COL4A4: variants seen among roughly 807,000 people sequenced by gnomAD.
COL4A4 encodes the protein collagen alpha-4(IV) chain.
In COL4A4, 105 loss-of-function variants were observed where a neutral mutation model predicts 192.9. The ratio of observed to expected loss-of-function variants is 0.54; its 90% confidence interval spans 0.46 to 0.64. COL4A4 has a LOEUF of 0.64. COL4A4 is among the 30% of genes least tolerant of loss of function. COL4A4 has a pLI of 0.00. For missense variants in COL4A4, 1,967 were observed against 2,169.3 expected, an observed-to-expected ratio of 0.91 and a Z score of 1.85; for synonymous variants, 762 against 769.9, an observed-to-expected ratio of 0.99 and a Z score of 0.17.
chr2:227,099,610 GAACACA>G lies in COL4A4; in HGVS notation c.1099+4_1099+9del. The G allele has an allele frequency of 6.2e-7, 1 of 1,613,500 alleles. No individual in the cohort carries two copies. The highest frequency in any genetic ancestry group is 8.5e-7 in the Non-Finnish European group (1 of 1,179,442). On this transcript the variant is annotated splice_donor_5th_base_variant and intron_variant, in intron 18 of 47. Coordinates refer to ENST00000396625, the MANE Select transcript of COL4A4 (RefSeq NM_000092.5). ...CATAATTTATGGAGGAACTGAATAGGAACACAAACCTTTGAGTGGAAGAGGTGGAGT... is the reference window on the plus strand; with the variant it reads ...CATAATTTATGGAGGAACTGAATAGGAACCTTTGAGTGGAAGAGGTGGAGT...
At chr2:226,991,463 A>G in the COL4A4 span, among the ~76,000 whole-genome samples, 1 of 152,230 alleles carries the variant, frequency 6.6e-6, no homozygotes, top group Non-Finnish European at 1.5e-5. Context: ...TACAGGCATG[A>G]GCCACCATGC....
the COL4A4 span, chr2:226,995,893 G>T: frequency 5.1e-6 from 1 of 197,294 alleles, no homozygotes; most frequent in Non-Finnish European, 1.0e-5. Flanking sequence ...CCCTCATTCT[G>T]CCTGGAGTGC....
At chr2:226,981,521 A>G in the COL4A4 span, among the ~76,000 whole-genome samples, 1 of 151,684 alleles carries the variant, frequency 6.6e-6, no homozygotes, top group Non-Finnish European at 1.5e-5. Context: ...CACTCATGCA[A>G]ACACATGCAG....
chr2:227,062,471 TG>T (rs1029043507), intron 26 of COL4A4, 58 bp downstream of exon 26: 6 of 1,055,146 alleles, frequency 5.7e-6, no homozygotes, highest in African/African-American at 3.9e-5. Context: ...TCTGTCTGGC[TG>T]GTTTTTTTTT....
chr2:227,135,792 G>A (rs1159071041), intron 4 of COL4A4, among the ~76,000 whole-genome samples: 3 of 152,016 alleles, frequency 2.0e-5, no homozygotes, highest in African/African-American at 2.4e-5. Flanking sequence ...ACAGGCGCCC[G>A]CCACCATGCC....
Position 227,114,687 on chromosome 2 carries a change from C to T in COL4A4, c.499G>A (p.Gly167Arg). The change falls in exon 8 of 48, where the codon GGG becomes AGG. Residue 167 changes from glycine (G) to arginine (R), a missense_variant. By Grantham distance (125) the Gly-to-Arg change is moderately radical (BLOSUM62 -2). Transcript: ENST00000396625. Reference protein sequence around the residue: ...LGPGGPLGHPGEKGEKGNSVF... With the variant: ...LGPGGPLGHPREKGEKGNSVF... ...GAATTTCCTTTTTCTCCCTTTTCCC[C>T]AGGATGGCCCTGAAAATAAAATATG... is the stretch of plus-strand genomic sequence containing the variant. The T allele has an allele frequency of 6.2e-7, 1 of 1,613,546 alleles. No individual in the cohort carries two copies. Among genetic ancestry groups the T allele is most frequent in the Non-Finnish European group, 8.5e-7 (1 of 1,179,468 alleles).
chr2:227,054,914 C>T lies in COL4A4; in HGVS notation c.2717-177G>A, dbSNP rs55760660. ...AAGCAATTCTCCTTCCTCAGCCTCCCGAGTAGCTGGGATTACAGGCGGGAG... is the reference window on the plus strand; with the variant it reads ...AAGCAATTCTCCTTCCTCAGCCTCCTGAGTAGCTGGGATTACAGGCGGGAG... On this transcript the variant is annotated intron_variant, in intron 30 of 47. Coordinates refer to ENST00000396625, the MANE Select transcript of COL4A4 (RefSeq NM_000092.5). Among the ~76,000 whole-genome samples the T allele has an allele frequency of 0.45, 67,590 of 151,784 alleles. 15,434 individuals carry two copies. Among genetic ancestry groups the T allele is most frequent in the South Asian group, 0.63 (3,021 of 4,810 alleles).
At chr2:226,979,075 A>C in the COL4A4 span, among the ~76,000 whole-genome samples, 2 of 152,172 alleles carry the variant, frequency 1.3e-5, no homozygotes, top group East Asian at 3.9e-4. Context: ...TGGGGAAAGA[A>C]AGAAGCTATT....
At chr2:227,099,154 C>T (rs2060366523) in intron 18 of COL4A4, among the ~76,000 whole-genome samples, 1 of 152,174 alleles carries the variant, frequency 6.6e-6, no homozygotes, top group Non-Finnish European at 1.5e-5. Context: ...GCAACCTCCA[C>T]CTCCCAGGTT....
intron 23 of COL4A4, among the ~76,000 whole-genome samples, 161 bp from the exon 24 acceptor site, chr2:227,080,710 G>A (rs1183177081): frequency 6.6e-6 from 1 of 152,176 alleles, no homozygotes; most frequent in Non-Finnish European, 1.5e-5. Flanking sequence ...CCAGAGGGGA[G>A]AATGACAATT....
In COL4A4 at chr2:227,006,061, A is replaced by G. The variant is rs1962022981; in HGVS notation, c.*1264T>C. 1 of 152,660 alleles carries G rather than the reference A, an allele frequency of 6.6e-6. No homozygotes were observed. Among genetic ancestry groups the G allele is most frequent in the African/African-American group, 2.4e-5 (1 of 41,466 alleles). The allele number at this position is 152,660 out of a possible 1,614,324, so 9.5% of individuals were successfully genotyped here. A position where few individuals can be genotyped will look rare whatever the true frequency, so the allele number is the denominator to read the frequency against. On this transcript the variant is annotated 3_prime_UTR_variant, in exon 48 of 48. Coordinates refer to ENST00000396625, the MANE Select transcript of COL4A4 (RefSeq NM_000092.5). ...TATGAAATATAAGAATGTCTTTAAA[A>G]TTGGCAAAATGGGATGCTCCTGTAA... is the stretch of plus-strand genomic sequence containing the variant.
chr2:227,082,290 T>TA, intron 22 of COL4A4, 103 bp from the exon 23 acceptor site: 1 of 1,083,722 alleles, frequency 9.2e-7, no homozygotes, highest in Non-Finnish European at 1.4e-6. Context: ...AATCTCTTGT[T>TA]AAAGATTCTA....
chr2:227,054,740 G>C lies in COL4A4; in HGVS notation c.2717-3C>G. ...GAAACCAGGCAGCCCCCGGGGTCCT[G>C]GTGAAATGAGAGCATAAAGTTTTAG... On this transcript the variant is annotated splice_polypyrimidine_tract_variant and splice_region_variant and intron_variant, in intron 30 of 47. Coordinates refer to ENST00000396625, the MANE Select transcript of COL4A4 (RefSeq NM_000092.5). 4 of 1,613,606 alleles carry C rather than the reference G, an allele frequency of 2.5e-6. No individual in the cohort carries two copies. Among genetic ancestry groups the C allele is most frequent in the Non-Finnish European group, 3.4e-6 (4 of 1,179,818 alleles).
the COL4A4 span, among the ~76,000 whole-genome samples, chr2:226,986,187 T>C: frequency 6.6e-6 from 1 of 151,922 alleles, no homozygotes; most frequent in Admixed American, 6.6e-5. Context: ...GTCATGGGGG[T>C]CAAGAAAGGA....
At chr2:227,064,426 T>C (rs964725369) in intron 25 of COL4A4, among the ~76,000 whole-genome samples, 2 of 152,118 alleles carry the variant, frequency 1.3e-5, no homozygotes, top group Non-Finnish European at 1.5e-5. Context: ...CTAAGACTAA[T>C]TGGCATTCCT....
At chr2:227,081,756 A>G (rs1235592431) in intron 23 of COL4A4, among the ~76,000 whole-genome samples, 1 of 150,842 alleles carries the variant, frequency 6.6e-6, no homozygotes, top group East Asian at 1.9e-4. Flanking sequence ...ACTTAAAAAA[A>G]CGATTTCAAG....
chr2:226,969,688 A>G, the COL4A4 span, among the ~76,000 whole-genome samples: 9 of 152,182 alleles, frequency 5.9e-5, no homozygotes, highest in Admixed American at 4.6e-4. Context: ...TTAAAGCCAT[A>G]TGCATTTTGA....
intron 12 of COL4A4, among the ~76,000 whole-genome samples, chr2:227,105,059 C>G (rs890328648): frequency 6.6e-6 from 1 of 151,544 alleles, no homozygotes; most frequent in Non-Finnish European, 1.5e-5. Flanking sequence ...AATCAGAATA[C>G]TATAATAAAT....
chr2:227,057,337 C>G, intron 29 of COL4A4, 102 bp downstream of exon 29: 1 of 1,344,052 alleles, frequency 7.4e-7, no homozygotes, highest in Non-Finnish European at 1.0e-6. Flanking sequence ...GTCTCTGACT[C>G]AGGACTCTTG....
Sources: allele counts gnomAD v4.1 joint callset (sites outside exome capture counted in the v4.1 genomes callset), GRCh38; gene constraint gnomAD v4.1.1; transcripts MANE v1.5; gene names NCBI Gene and HGNC (gene_info 2026-07-23, HGNC 2026-07-21).